The following CFAP20DC variants were observed in gnomAD, a reference collection of about 807,000 sequenced individuals.
The protein encoded by CFAP20DC is CFAP20 domain containing.
CFAP20DC carries 84 observed loss-of-function variants against 101.7 expected under a neutral mutation model. The observed-to-expected ratio is 0.83, with a 90% CI of 0.69 to 0.99. The LOEUF (loss-of-function observed/expected upper bound fraction) is 0.99. Ranked by LOEUF, CFAP20DC falls within the 50% of genes least tolerant of loss-of-function variation. The probability of loss-of-function intolerance (pLI) is 0.00; values close to 1 mark genes in which losing one functional copy is unlikely to be tolerated. For synonymous variants in CFAP20DC, 359 were observed against 351.2 expected, an observed-to-expected ratio of 1.02 and a Z score of -0.25; for missense variants, 1,007 against 970.3, an observed-to-expected ratio of 1.04 and a Z score of -0.50.
chr3:58,995,025 C>A (rs969578540), intron 4 of CFAP20DC, among the ~76,000 whole-genome samples: 6 of 152,166 alleles, frequency 3.9e-5, no homozygotes, highest in Non-Finnish European at 7.4e-5. Flanking sequence ...TTTTCTTTTG[C>A]ATTTTCAAAT....
At chr3:58,771,680 A>G (rs2070861498) in intron 15 of CFAP20DC, among the ~76,000 whole-genome samples, 1 of 152,174 alleles carries the variant, frequency 6.6e-6, no homozygotes, top group South Asian at 2.1e-4. Flanking sequence ...AGAGGAGAAC[A>G]TTCTTATCAC....
intron 6 of CFAP20DC, among the ~76,000 whole-genome samples, chr3:58,891,479 T>TTAA (rs1362591476): frequency 1.9e-4 from 29 of 151,194 alleles, no homozygotes; most frequent in South Asian, 6.3e-4. Context: ...GAGAGCTTTT[T>TTAA]TACTTTTTAA....
intron 4 of CFAP20DC, among the ~76,000 whole-genome samples, chr3:59,024,467 T>G (rs987376641): frequency 1.3e-5 from 2 of 152,162 alleles, no homozygotes; most frequent in African/African-American, 4.8e-5. Context: ...GTCTAAATAA[T>G]AAGACCATTA....
At chr3:58,802,976 A>G (rs1429784872) in intron 15 of CFAP20DC, among the ~76,000 whole-genome samples, 1 of 149,770 alleles carries the variant, frequency 6.7e-6, no homozygotes, top group Non-Finnish European at 1.5e-5. Context: ...ACTGTCTCCA[A>G]AAAAAAAAAG....
At chr3:58,786,982 G>A (rs913331804) in intron 15 of CFAP20DC, among the ~76,000 whole-genome samples, 5 of 151,720 alleles carry the variant, frequency 3.3e-5, no homozygotes, top group African/African-American at 7.3e-5. Flanking sequence ...ACTATCTGTC[G>A]TTTTAGACAT....
At chr3:59,039,678 T>A in intron 3 of CFAP20DC, 49 bp from the exon 4 acceptor site, 1 of 1,159,610 alleles carries the variant, frequency 8.6e-7, no homozygotes, top group Non-Finnish European at 1.2e-6. Flanking sequence ...CATTTATATG[T>A]GCATATAAAC....
intron 15 of CFAP20DC, among the ~76,000 whole-genome samples, chr3:58,772,195 AG>A (rs1255604085): frequency 5.3e-5 from 8 of 152,292 alleles, no homozygotes; most frequent in Non-Finnish European, 1.0e-4. Context: ...GGAATATTTT[AG>A]ATTATTTTTA....
intron 15 of CFAP20DC, among the ~76,000 whole-genome samples, chr3:58,772,709 A>G (rs2070956736): frequency 6.6e-6 from 1 of 152,228 alleles, no homozygotes; most frequent in African/African-American, 2.4e-5. Flanking sequence ...AACTGGCTGA[A>G]TAAATTATGG....
At chr3:58,767,698 A>G (rs12629438) in intron 15 of CFAP20DC, among the ~76,000 whole-genome samples, 10,948 of 152,180 alleles carry the variant, frequency 0.072, 677 homozygotes, top group East Asian at 0.35. Flanking sequence ...CCTCTTTCAT[A>G]TATCTCTGGA....
At chr3:58,717,099 C>T (rs1242935160), downstream of CFAP20DC, among the ~76,000 whole-genome samples, 1 of 151,952 alleles carries the variant, frequency 6.6e-6, no homozygotes, top group Non-Finnish European at 1.5e-5. This position sits in a 1 kb window ranked among gnomAD's most constrained non-coding sequence, Gnocchi z 4.1. Context: ...GTAGTTGCTA[C>T]TTGTGGCTCA....
At chr3:58,848,147 C>T (rs2077881865) in intron 13 of CFAP20DC, among the ~76,000 whole-genome samples, 1 of 88,998 alleles carries the variant, frequency 1.1e-5, no homozygotes, top group Admixed American at 1.4e-4. Flanking sequence ...TGCACATGTA[C>T]CCTAAAACTT....
At chr3:59,027,723 A>C (rs2093918298) in intron 4 of CFAP20DC, among the ~76,000 whole-genome samples, 1 of 152,194 alleles carries the variant, frequency 6.6e-6, no homozygotes, top group African/African-American at 2.4e-5. Context: ...TTCAAGATGC[A>C]GTTGCTTCTT....
chr3:59,048,235 T>C (rs1477172838), intron 1 of CFAP20DC, among the ~76,000 whole-genome samples: 5 of 152,236 alleles, frequency 3.3e-5, no homozygotes, highest in Non-Finnish European at 7.3e-5. Context: ...AAACAATATG[T>C]GAGCAAATCT....
At chr3:58,957,034 A>C (rs999872475) in intron 4 of CFAP20DC, among the ~76,000 whole-genome samples, 1 of 152,174 alleles carries the variant, frequency 6.6e-6, no homozygotes, top group Non-Finnish European at 1.5e-5. Flanking sequence ...CAGCCAAACC[A>C]TATCAGGAAA....
chr3:58,893,899 C>T (rs538319483), intron 6 of CFAP20DC, among the ~76,000 whole-genome samples: 5 of 152,160 alleles, frequency 3.3e-5, no homozygotes, highest in South Asian at 2.1e-4. Flanking sequence ...CAGAGTTCCA[C>T]GTGGCTGGAG....
chr3:58,832,719 A>C (rs1253571558), intron 13 of CFAP20DC, among the ~76,000 whole-genome samples: 2 of 152,214 alleles, frequency 1.3e-5, no homozygotes, highest in South Asian at 2.1e-4. Context: ...TTGAAAAAGA[A>C]TACTACTACA....
chr3:58,870,512 A>G (rs2080081114), intron 7 of CFAP20DC, among the ~76,000 whole-genome samples: 1 of 151,792 alleles, frequency 6.6e-6, no homozygotes, highest in Non-Finnish European at 1.5e-5. Context: ...CGGCAGTATC[A>G]CAGTACTTTT....
chr3:58,756,364 G>T (rs779864876), intron 15 of CFAP20DC, among the ~76,000 whole-genome samples: 1 of 151,998 alleles, frequency 6.6e-6, no homozygotes, highest in Non-Finnish European at 1.5e-5. Flanking sequence ...ACTCTCTCAA[G>T]TTCTCAATTT....
intron 4 of CFAP20DC, among the ~76,000 whole-genome samples, chr3:59,038,847 G>A (rs2094148875): frequency 6.6e-6 from 1 of 151,810 alleles, no homozygotes; most frequent in Admixed American, 6.6e-5. Context: ...ATTCTGGCAT[G>A]GAAAATAAAA....
Sources: gnomAD v4.1 joint callset for allele counts (sites outside exome capture counted in the v4.1 genomes callset) on GRCh38, gnomAD v4.1.1 for gene constraint, Gnocchi (gnomAD v3.1) non-coding constraint, MANE v1.5 for transcripts, NCBI Gene and HGNC (gene_info 2026-07-23, HGNC 2026-07-21) for gene names.